The following TRERF1 variants were observed in gnomAD, a reference collection of about 807,000 sequenced individuals.
TRERF1 encodes the protein transcriptional-regulating factor 1.
In TRERF1, 27 loss-of-function variants were observed where a neutral mutation model predicts 122.9. The ratio of observed to expected loss-of-function variants is 0.22; its 90% confidence interval spans 0.16 to 0.30. The LOEUF is 0.30. Ranked by LOEUF, TRERF1 falls within the 10% of genes least tolerant of loss-of-function variation. The pLI, the probability that TRERF1 is intolerant of heterozygous loss-of-function variation, is 1.00. For synonymous variants in TRERF1, 636 were observed against 641.7 expected, an observed-to-expected ratio of 0.99 and a Z score of 0.13; for missense variants, 1,248 against 1,560.3, an observed-to-expected ratio of 0.80 and a Z score of 3.37.
intron 2 of TRERF1, among the ~76,000 whole-genome samples, chr6:42,378,883 A>G (rs558032908): frequency 6.6e-6 from 1 of 152,310 alleles, no homozygotes; most frequent in Admixed American, 6.5e-5. Flanking sequence ...TGGGAGGCCA[A>G]GGCAGGCAGA....
intron 3 of TRERF1, among the ~76,000 whole-genome samples, chr6:42,348,318 A>G (rs1428645406): frequency 1.3e-5 from 2 of 152,054 alleles, no homozygotes. Flanking sequence ...CAGTGGCACA[A>G]TCTCAGCTCA....
intron 3 of TRERF1, among the ~76,000 whole-genome samples, chr6:42,343,452 A>G (rs1767676452): frequency 6.6e-6 from 1 of 152,168 alleles, no homozygotes; most frequent in South Asian, 2.1e-4. Context: ...GGTGACATGC[A>G]CTCTGAGATC....
At chr6:42,298,712 G>A (rs1413015070) in intron 4 of TRERF1, among the ~76,000 whole-genome samples, 1 of 151,830 alleles carries the variant, frequency 6.6e-6, no homozygotes. Context: ...GGCCGAGACG[G>A]GTGGATCACC....
rs1781118661 is a variant in TRERF1, at chr6:42,276,242, C to T, written c.-258-6394G>A. On this transcript the variant is annotated intron_variant, in intron 4 of 17. Coordinates refer to ENST00000372922, the Ensembl canonical transcript of TRERF1. This position sits in a 1 kb window ranked among gnomAD's most constrained non-coding sequence, Gnocchi z 4.3. Reference sequence around the variant, plus strand: ...CCAGAGACACAGACAGAGAGATACACCAGGAGAGGAAGTTGACTTTGGCGG... The same window carrying T: ...CCAGAGACACAGACAGAGAGATACATCAGGAGAGGAAGTTGACTTTGGCGG... 6.6e-6 allele frequency among the ~76,000 whole-genome samples: 1 copy of T among 152,208 alleles called. No individual in the cohort carries two copies. The highest frequency in any genetic ancestry group is 1.5e-5 in the Non-Finnish European group (1 of 68,048).
intron 3 of TRERF1, among the ~76,000 whole-genome samples, chr6:42,304,388 C>T (rs941349085): frequency 6.6e-5 from 10 of 152,174 alleles, no homozygotes; most frequent in Admixed American, 3.3e-4. Flanking sequence ...TCAGTGAGAG[C>T]GTAGGTCCCT....
intron 2 of TRERF1, among the ~76,000 whole-genome samples, chr6:42,434,622 GACAA>G (rs936058719): frequency 1.1e-3 from 168 of 148,036 alleles, no homozygotes; most frequent in Non-Finnish European, 2.1e-3. Flanking sequence ...CGCATTTTCC[GACAA>G]ACAAAAACTG....
intron 16 of TRERF1, 78 bp downstream of exon 16, chr6:42,236,127 T>C: frequency 6.7e-7 from 1 of 1,490,348 alleles, no homozygotes; most frequent in East Asian, 2.3e-5. Context: ...CTCTCGAAAA[T>C]ACATCATCTC....
intron 2 of TRERF1, among the ~76,000 whole-genome samples, chr6:42,384,519 G>GA (rs1301602109): frequency 6.6e-6 from 1 of 152,238 alleles, no homozygotes; most frequent in East Asian, 1.9e-4. Context: ...CTATTGAGAG[G>GA]AAAAATGGGT....
chr6:42,332,415 T>C (rs4299829), intron 3 of TRERF1, among the ~76,000 whole-genome samples: 27,636 of 151,976 alleles, frequency 0.18, 3,732 homozygotes, highest in African/African-American at 0.38. Flanking sequence ...TTACAAGGTT[T>C]CCTTGGACAG....
In TRERF1 at chr6:42,269,342, T is replaced by A; in HGVS notation, c.249A>T (p.Gly83=). 2 of 1,614,082 alleles carry A rather than the reference T, an allele frequency of 1.2e-6. No individual in the cohort carries two copies. Among genetic ancestry groups the A allele is most frequent in the Non-Finnish European group, 1.7e-6 (2 of 1,180,014 alleles). ...CAGGCCCTGCATGACTTCCCCACCCTCCCTGCCTCGAGGTATCCATTTGGC... is the reference window on the plus strand; with the variant it reads ...CAGGCCCTGCATGACTTCCCCACCCACCCTGCCTCGAGGTATCCATTTGGC... The change falls in exon 5 of 18, where the codon GGA becomes GGT. Residue 83 remains glycine, a synonymous_variant. Coordinates refer to ENST00000372922, the Ensembl canonical transcript of TRERF1. The surrounding 1 kb of genome is among the most constrained non-coding windows in gnomAD (Gnocchi z 4.9).
At chr6:42,309,370 G>A (rs1296183323) in intron 3 of TRERF1, among the ~76,000 whole-genome samples, 1 of 152,212 alleles carries the variant, frequency 6.6e-6, no homozygotes, top group African/African-American at 2.4e-5. Context: ...AAAGGGCACA[G>A]AGCTAACAAT....
intron 15 of TRERF1, among the ~76,000 whole-genome samples, chr6:42,241,467 A>AT (rs70987584): frequency 3.2e-4 from 48 of 148,300 alleles, no homozygotes; most frequent in Admixed American, 4.7e-4. Context: ...AATGAGTCCA[A>AT]TTTTTTTTTT....
chr6:42,276,764 T>C lies in TRERF1; in HGVS notation c.-258-6916A>G, dbSNP rs1781217452. 1.3e-5 allele frequency among the ~76,000 whole-genome samples: 2 copies of C among 152,182 alleles called. No individual in the cohort carries two copies. The highest frequency in any genetic ancestry group is 4.8e-5 in the African/African-American group (2 of 41,448). On this transcript the variant is annotated intron_variant, in intron 4 of 17. Transcript: ENST00000372922. The surrounding 1 kb of genome is among the most constrained non-coding windows in gnomAD (Gnocchi z 4.3). ...CTCTTACTCCTTCACAGCCCTGGCT[T>C]TCCTGCTGACTCTGGGCTGTGGGAG...
At chr6:42,391,474 T>C (rs971433276) in intron 2 of TRERF1, among the ~76,000 whole-genome samples, 1 of 152,190 alleles carries the variant, frequency 6.6e-6, no homozygotes, top group African/African-American at 2.4e-5. Context: ...CAGGGTGATA[T>C]TGCACAAGTC....
At chr6:42,391,155 A>G (rs1777671640) in intron 2 of TRERF1, among the ~76,000 whole-genome samples, 1 of 152,190 alleles carries the variant, frequency 6.6e-6, no homozygotes, top group Non-Finnish European at 1.5e-5. Flanking sequence ...CAGTTCTCCC[A>G]TCTCCCAGAA....
At chr6:42,428,193 T>A (rs986544805) in intron 2 of TRERF1, among the ~76,000 whole-genome samples, 1 of 152,250 alleles carries the variant, frequency 6.6e-6, no homozygotes, top group Non-Finnish European at 1.5e-5. Context: ...AATCATTTCA[T>A]TTATTTTCTA....
intron 2 of TRERF1, among the ~76,000 whole-genome samples, chr6:42,447,100 T>C (rs552106225): frequency 2.6e-5 from 4 of 152,312 alleles, no homozygotes; most frequent in African/African-American, 9.6e-5. Flanking sequence ...TCCTGCTCTA[T>C]CAAACATATA....
intron 3 of TRERF1, among the ~76,000 whole-genome samples, chr6:42,348,280 G>A (rs1408495725): frequency 6.6e-6 from 1 of 151,694 alleles, no homozygotes; most frequent in Non-Finnish European, 1.5e-5. Flanking sequence ...TTGAGATGGA[G>A]TCTCACTCTG....
intron 2 of TRERF1, among the ~76,000 whole-genome samples, chr6:42,371,864 A>T (rs1773832184): frequency 6.6e-6 from 1 of 152,256 alleles, no homozygotes; most frequent in East Asian, 1.9e-4. Flanking sequence ...AGTAGGAGGT[A>T]TGTGCCTGTT....
Sources: allele counts gnomAD v4.1 joint callset (sites outside exome capture counted in the v4.1 genomes callset), GRCh38; gene constraint gnomAD v4.1.1; non-coding constraint Gnocchi (gnomAD v3.1); transcripts MANE v1.5; gene names NCBI Gene and HGNC (gene_info 2026-07-23, HGNC 2026-07-21).